GRID2: variants seen among roughly 807,000 people sequenced by gnomAD.
GRID2 encodes glutamate receptor ionotropic, delta-2.
In GRID2, 33 loss-of-function variants were observed where a neutral mutation model predicts 114.8. That is an observed-to-expected ratio of 0.29 (90% CI 0.22 to 0.38). The LOEUF (loss-of-function observed/expected upper bound fraction) is 0.38, where lower values mean the gene tolerates loss of function less well. Ranked by LOEUF, GRID2 falls within the 10% of genes least tolerant of loss-of-function variation. The pLI, the probability that GRID2 is intolerant of heterozygous loss-of-function variation, is 1.00. For synonymous variants in GRID2, 505 were observed against 449.9 expected (o/e 1.12, Z -1.55); for missense variants, 1,184 against 1,257.7 (o/e 0.94, Z 0.89).
At chr4:93,152,804 G>C (rs1249916867) in intron 4 of GRID2, among the ~76,000 whole-genome samples, 1 of 152,016 alleles carries the variant, frequency 6.6e-6, no homozygotes, top group Non-Finnish European at 1.5e-5. Flanking sequence ...TATAATTTAT[G>C]GCCAGGAATT....
intron 4 of GRID2, among the ~76,000 whole-genome samples, chr4:93,132,906 G>T (rs1734933822): frequency 6.6e-6 from 1 of 152,160 alleles, no homozygotes. Flanking sequence ...CTTTTTAAAA[G>T]TGCTCAATTG....
At chr4:92,506,318 A>G (rs1399068537) in intron 1 of GRID2, among the ~76,000 whole-genome samples, 2 of 152,008 alleles carry the variant, frequency 1.3e-5, no homozygotes, top group Admixed American at 6.6e-5. Flanking sequence ...GAACAACAAT[A>G]GCTTTCTGGA....
chr4:92,444,617 G>T (rs1258531695), intron 1 of GRID2, among the ~76,000 whole-genome samples: 1 of 152,084 alleles, frequency 6.6e-6, no homozygotes, highest in Non-Finnish European at 1.5e-5. Context: ...CAAGTCACAG[G>T]GGTTGCAATG....
intron 15 of GRID2, among the ~76,000 whole-genome samples, chr4:93,771,456 G>T (rs1734101946): frequency 6.6e-6 from 1 of 152,132 alleles, no homozygotes; most frequent in South Asian, 2.1e-4. Context: ...ACTGATTCAG[G>T]TGCTAGATAC....
chr4:92,846,316 C>A (rs549355497), intron 2 of GRID2, among the ~76,000 whole-genome samples: 2 of 151,968 alleles, frequency 1.3e-5, no homozygotes, highest in African/African-American at 2.4e-5. Flanking sequence ...TCTTTGGCCC[C>A]CTTCATCTCT....
At chr4:93,796,211 A>G (rs550585140) in intron 1 of GRID2, among the ~76,000 whole-genome samples, 13 of 152,248 alleles carry the variant, frequency 8.5e-5, no homozygotes, top group African/African-American at 1.2e-4. Context: ...CACCACCATC[A>G]TCTAGCTTCT....
chr4:93,379,877 G>A (rs1004127579), intron 8 of GRID2, among the ~76,000 whole-genome samples: 8 of 151,978 alleles, frequency 5.3e-5, no homozygotes, highest in Non-Finnish European at 1.2e-4. Context: ...GATACACAAA[G>A]CATCAATTCT....
In GRID2 at chr4:92,840,173, T is replaced by TA. The variant is rs1437911107; in HGVS notation, c.245-244822_245-244821insA. ...TATTTCCATTGCTATGAAATATATA[T>TA]TTTTTCATACTTTTATTTCCAGTCT... On this transcript the variant is annotated intron_variant, in intron 2 of 15. Coordinates refer to ENST00000282020, the MANE Select transcript of GRID2 (RefSeq NM_001510.4). Among the ~76,000 whole-genome samples the TA allele has an allele frequency of 9.9e-5, 15 of 152,156 alleles. No individual in the cohort carries two copies. The South Asian group carries it at 2.9e-3, about 29-fold the overall frequency.
intron 8 of GRID2, among the ~76,000 whole-genome samples, chr4:93,285,300 C>T (rs1753035666): frequency 6.6e-6 from 1 of 152,048 alleles, no homozygotes; most frequent in African/African-American, 2.4e-5. Flanking sequence ...TTGAGAAACC[C>T]TATATGCCCT....
rs1750930310 is a variant in GRID2, at chr4:93,267,154, G to A, written c.1245+28664G>A. On this transcript the variant is annotated intron_variant, in intron 8 of 15. Coordinates refer to ENST00000282020, the MANE Select transcript of GRID2 (RefSeq NM_001510.4). The stretch of plus-strand genomic sequence containing the variant: ...TGGGTGGATAGTGTTCCATTGAATA[G>A]TACACACATTTCTTTTTTTTTTTTA... 1.4e-5 allele frequency among the ~76,000 whole-genome samples: 2 copies of A among 147,544 alleles called. 1 individual carries two copies. The highest frequency in any genetic ancestry group is 1.3e-4 in the Admixed American group (2 of 14,824).
At chr4:92,924,900 GATA>G (rs1560707588) in intron 2 of GRID2, among the ~76,000 whole-genome samples, 1 of 152,066 alleles carries the variant, frequency 6.6e-6, no homozygotes, top group Non-Finnish European at 1.5e-5. Flanking sequence ...GTTAATGTGA[GATA>G]ATATTACAAA....
chr4:92,351,084 A>C (rs1728046745), intron 1 of GRID2, among the ~76,000 whole-genome samples: 1 of 151,834 alleles, frequency 6.6e-6, no homozygotes, highest in Non-Finnish European at 1.5e-5. Flanking sequence ...AGTTGATGAA[A>C]ATTTGGGTTG....
intron 11 of GRID2, among the ~76,000 whole-genome samples, chr4:93,481,595 A>G (rs1725870343): frequency 6.6e-6 from 1 of 152,068 alleles, no homozygotes; most frequent in Non-Finnish European, 1.5e-5. Context: ...AATCTTCAAA[A>G]TCACTATTAT....
intron 14 of GRID2, among the ~76,000 whole-genome samples, chr4:93,686,264 G>C (rs1057488667): frequency 6.6e-6 from 1 of 151,822 alleles, no homozygotes; most frequent in Admixed American, 6.6e-5. Context: ...GTACCATCCA[G>C]TGAATCCCTA....
intron 13 of GRID2, among the ~76,000 whole-genome samples, chr4:93,593,718 AC>A (rs1307792234): frequency 2.0e-5 from 3 of 151,990 alleles, no homozygotes; most frequent in Admixed American, 2.0e-4. Flanking sequence ...TGGTCTTTTC[AC>A]ATAGTCCCAT....
At chr4:92,927,730 G>A (rs984695801) in intron 2 of GRID2, among the ~76,000 whole-genome samples, 26 of 151,570 alleles carry the variant, frequency 1.7e-4, no homozygotes, top group Admixed American at 4.6e-4. Flanking sequence ...TTTTGAACAC[G>A]GAAAATAAGG....
At chr4:92,647,939 T>A (rs1731729177) in intron 2 of GRID2, among the ~76,000 whole-genome samples, 1 of 149,748 alleles carries the variant, frequency 6.7e-6, no homozygotes, top group South Asian at 2.1e-4. Context: ...ATATGTTCGA[T>A]TTGGAAGATA....
intron 8 of GRID2, among the ~76,000 whole-genome samples, chr4:93,264,509 C>G (rs1750583514): frequency 2.6e-5 from 4 of 151,588 alleles, no homozygotes; most frequent in Non-Finnish European, 5.9e-5. Context: ...AAACTTTAGA[C>G]TGAAAATCTC....
chr4:93,518,058 G>A (rs1275228042), intron 13 of GRID2, among the ~76,000 whole-genome samples: 2 of 124,246 alleles, frequency 1.6e-5, no homozygotes, highest in Non-Finnish European at 3.2e-5. Context: ...TACTATATAT[G>A]TATATAGTAT....
Sources: allele counts gnomAD v4.1 joint callset (sites outside exome capture counted in the v4.1 genomes callset), GRCh38; gene constraint gnomAD v4.1.1; transcripts MANE v1.5; gene names NCBI Gene and HGNC (gene_info 2026-07-23, HGNC 2026-07-21).